Variants in HDAC9 observed in about 807,000 individuals in gnomAD.
HDAC9 encodes MEF-2 interacting transcription repressor (MITR) protein.
In HDAC9, 41 loss-of-function variants were observed where a neutral mutation model predicts 139.4. The ratio of observed to expected loss-of-function variants is 0.29; its 90% CI spans 0.23 to 0.38. The LOEUF (loss-of-function observed/expected upper bound fraction) is 0.38, where lower values mean the gene tolerates loss of function less well. HDAC9 is among the 10% of genes least tolerant of loss of function. The pLI, the probability that HDAC9 is intolerant of heterozygous loss-of-function variation, is 1.00. For synonymous variants in HDAC9, 517 were observed against 476.2 expected, an observed-to-expected ratio of 1.09 and a Z score of -1.12; for missense variants, 1,147 against 1,297.0, an observed-to-expected ratio of 0.88 and a Z score of 1.78.
In HDAC9 at chr7:18,997,093, G is replaced by T. The variant is rs1786507952; in HGVS notation, c.*1031G>T. On this transcript the variant is annotated 3_prime_UTR_variant, in exon 26 of 26. Transcript: ENST00000686413. Reference sequence around the variant, plus strand: ...CATAATCTCCTCTTATTACTTGAGGGCCTTGACTATTTAGTTTATTTTGTT... The same window carrying T: ...CATAATCTCCTCTTATTACTTGAGGTCCTTGACTATTTAGTTTATTTTGTT... The T allele has an allele frequency of 6.6e-6, 1 of 151,950 alleles. No homozygotes were observed. The highest frequency in any genetic ancestry group is 1.5e-5 in the Non-Finnish European group (1 of 68,010). 9.4% of individuals were successfully genotyped at this position (151,950 alleles called of 1,614,324 possible).
chr7:18,156,211 A>T (rs1401824205), intron 1 of HDAC9, among the ~76,000 whole-genome samples: 7 of 152,190 alleles, frequency 4.6e-5, no homozygotes, highest in African/African-American at 1.7e-4. Flanking sequence ...TGGGGAAAAA[A>T]AGCTGAGGCT....
intron 16 of HDAC9, 97 bp from the exon 17 acceptor site, chr7:18,793,248 T>C: frequency 1.2e-6 from 1 of 802,330 alleles, no homozygotes; most frequent in South Asian, 1.5e-5. Context: ...TCTCTGTCCC[T>C]CTTCCCCTGC....
At chr7:18,843,122 T>G (rs1219237007) in intron 21 of HDAC9, among the ~76,000 whole-genome samples, 1 of 152,144 alleles carries the variant, frequency 6.6e-6, no homozygotes, top group Non-Finnish European at 1.5e-5. Flanking sequence ...TTAAACAATT[T>G]TCCAAATAAT....
intron 1 of HDAC9, among the ~76,000 whole-genome samples, chr7:18,421,082 C>T (rs1789574997): frequency 6.6e-6 from 1 of 152,152 alleles, no homozygotes; most frequent in African/African-American, 2.4e-5. Flanking sequence ...TATGTCCTAC[C>T]TCCCCTTACC....
chr7:18,316,452 T>C (rs972434322), intron 1 of HDAC9, among the ~76,000 whole-genome samples: 1 of 152,004 alleles, frequency 6.6e-6, no homozygotes, highest in African/African-American at 2.4e-5. Flanking sequence ...TTGTGCTGCA[T>C]TGTGACAAAA....
chr7:18,901,322 C>G (rs960925361), intron 22 of HDAC9, among the ~76,000 whole-genome samples: 1 of 151,158 alleles, frequency 6.6e-6, no homozygotes, highest in African/African-American at 2.4e-5. Context: ...CTTTGACTCT[C>G]TGCTGGGACA....
chr7:18,591,903 T>C (rs1831104402), intron 5 of HDAC9, among the ~76,000 whole-genome samples: 1 of 152,176 alleles, frequency 6.6e-6, no homozygotes, highest in Admixed American at 6.5e-5. Flanking sequence ...AATGGTAGCA[T>C]TTATCAACTT....
chr7:18,899,774 G>A (rs1184975551), intron 22 of HDAC9, among the ~76,000 whole-genome samples: 1 of 151,800 alleles, frequency 6.6e-6, no homozygotes, highest in Non-Finnish European at 1.5e-5. Context: ...CTAGTAGTAT[G>A]GATAAAGATG....
At chr7:18,595,669 A>G (rs1832280615) in intron 6 of HDAC9, among the ~76,000 whole-genome samples, 1 of 152,068 alleles carries the variant, frequency 6.6e-6, no homozygotes, top group African/African-American at 2.4e-5. Flanking sequence ...ACATTCACAG[A>G]GAAAGACTTC....
chr7:18,602,800 A>T lies in HDAC9; in HGVS notation c.664+8771A>T, dbSNP rs114649794. ...TTTAATCTTTCTGTTATTGATTTCTATTGTGGGCTGAGAAAATACTGTGTA... is the reference window on the plus strand; with the variant it reads ...TTTAATCTTTCTGTTATTGATTTCTTTTGTGGGCTGAGAAAATACTGTGTA... On this transcript the variant is annotated intron_variant, in intron 6 of 25. Coordinates refer to ENST00000686413, the MANE Select transcript of HDAC9 (RefSeq NM_178425.4). 8.0e-3 allele frequency among the ~76,000 whole-genome samples: 1,210 copies of T among 151,992 alleles called. 13 individuals are homozygous for T. The highest frequency in any genetic ancestry group is 0.028 in the African/African-American group (1,146 of 41,516).
At chr7:18,096,357 C>G (rs564308194) in intron 1 of HDAC9, among the ~76,000 whole-genome samples, 2 of 152,284 alleles carry the variant, frequency 1.3e-5, no homozygotes, top group East Asian at 3.9e-4. Flanking sequence ...TTGGTCTCCA[C>G]TTAGTTTATG....
At chr7:18,775,001 G>C (rs772649301) in intron 16 of HDAC9, among the ~76,000 whole-genome samples, 2 of 151,936 alleles carry the variant, frequency 1.3e-5, no homozygotes, top group Non-Finnish European at 2.9e-5. Context: ...CTATCGTAGG[G>C]TTATTAACTT....
chr7:18,540,346 A>G (rs1287969527), intron 2 of HDAC9, among the ~76,000 whole-genome samples: 1 of 151,928 alleles, frequency 6.6e-6, no homozygotes, highest in Non-Finnish European at 1.5e-5. Context: ...TCTTTCTTAC[A>G]TATAACACTG....
intron 2 of HDAC9, among the ~76,000 whole-genome samples, chr7:18,512,483 T>C (rs1243609750): frequency 6.6e-6 from 1 of 152,160 alleles, no homozygotes; most frequent in African/African-American, 2.4e-5. Flanking sequence ...GAAAACTTGA[T>C]CAGATTTGAG....
At chr7:18,326,750 A>G (rs749292134) in intron 1 of HDAC9, among the ~76,000 whole-genome samples, 2 of 151,954 alleles carry the variant, frequency 1.3e-5, no homozygotes, top group Non-Finnish European at 2.9e-5. Context: ...GTGCACATCT[A>G]TCTTTGTAAG....
At chr7:18,841,009 A>G (rs924339956) in intron 21 of HDAC9, among the ~76,000 whole-genome samples, 24 of 152,256 alleles carry the variant, frequency 1.6e-4, no homozygotes, top group African/African-American at 4.8e-4. Context: ...GGACAAGTCA[A>G]TAATGGTCAG....
At chr7:18,928,305 C>G (rs951907794) in intron 22 of HDAC9, among the ~76,000 whole-genome samples, 5 of 152,096 alleles carry the variant, frequency 3.3e-5, no homozygotes, top group South Asian at 4.1e-4. Flanking sequence ...TTAGGTTATT[C>G]AAAATAGGCA....
At chr7:18,499,059 A>G (rs572087605) in intron 2 of HDAC9, among the ~76,000 whole-genome samples, 1 of 137,294 alleles carries the variant, frequency 7.3e-6, no homozygotes, top group Non-Finnish European at 1.5e-5. Flanking sequence ...GACTATCACT[A>G]TAGGTAAGAG....
chr7:18,505,084 G>A (rs1388030745), intron 2 of HDAC9, among the ~76,000 whole-genome samples: 2 of 152,156 alleles, frequency 1.3e-5, no homozygotes, highest in Non-Finnish European at 1.5e-5. Flanking sequence ...GAGGAAGTTA[G>A]CACTATCCAG....
Sources: gnomAD v4.1 joint callset for allele counts (sites outside exome capture counted in the v4.1 genomes callset) on GRCh38, gnomAD v4.1.1 for gene constraint, MANE v1.5 for transcripts, NCBI Gene and HGNC (gene_info 2026-07-23, HGNC 2026-07-21) for gene names.